Variants in LHX4 observed in about 807,000 individuals in gnomAD.
The protein encoded by LHX4 is LIM/homeobox protein Lhx4.
LHX4 carries 16 observed loss-of-function variants against 39.2 expected under a neutral mutation model. That is an observed-to-expected ratio of 0.41 (90% confidence interval 0.28 to 0.62). The LOEUF (loss-of-function observed/expected upper bound fraction) is 0.62, where lower values mean the gene tolerates loss of function less well. Among genes scored for constraint, LHX4 ranks in the 20% least tolerant of loss-of-function variants. LHX4 has a pLI of 0.33. For synonymous variants in LHX4, 206 were observed against 198.1 expected, an observed-to-expected ratio of 1.04 and a Z score of -0.33; for missense variants, 439 against 511.9, an observed-to-expected ratio of 0.86 and a Z score of 1.37.
intron 2 of LHX4, among the ~76,000 whole-genome samples, chr1:180,255,234 C>T (rs542228721): frequency 3.9e-5 from 6 of 152,342 alleles, no homozygotes; most frequent in Non-Finnish European, 7.3e-5. Context: ...TGGGGTTGGT[C>T]GTAGAGTCAG....
rs1648509346 is a variant in LHX4 at position 180,269,647 on chromosome 1, A to G, written c.452-1733A>G. ...GAAATTAAGTGATTCTCGAGAAATT[A>G]AAACATTTTTGGTGATTGCATTATT... On this transcript the variant is annotated intron_variant, in intron 3 of 5. Transcript: ENST00000263726. 2.6e-5 allele frequency: 4 copies of G among 152,348 alleles called. No individual in the cohort carries two copies. The South Asian group carries it at 8.3e-4, about 32-fold the overall frequency. 9.4% of individuals were successfully genotyped at this position (152,348 alleles called of 1,614,324 possible). A position where few individuals can be genotyped will look rare whatever the true frequency, so the allele number is the denominator to read the frequency against.
At chr1:180,259,161 G>A (rs1647994675) in intron 2 of LHX4, among the ~76,000 whole-genome samples, 2 of 152,178 alleles carry the variant, frequency 1.3e-5, no homozygotes, top group Middle Eastern at 3.4e-3. Context: ...AGGCCGGAGA[G>A]CACAGTGTAG....
At chr1:180,268,441 T>G (rs1159741912) in intron 3 of LHX4, among the ~76,000 whole-genome samples, 1 of 152,134 alleles carries the variant, frequency 6.6e-6, no homozygotes. Flanking sequence ...CGAGGAATAT[T>G]TGCACCACAG....
chr1:180,251,206 G>T (rs1353495672), intron 2 of LHX4, among the ~76,000 whole-genome samples: 1 of 152,194 alleles, frequency 6.6e-6, no homozygotes, highest in Admixed American at 6.5e-5. Flanking sequence ...GCCTCCTGCC[G>T]GCGCTCCCTT....
intron 3 of LHX4, chr1:180,270,879 CACCCCT>C: frequency 4.5e-5 from 9 of 199,654 alleles, no homozygotes; most frequent in South Asian, 1.5e-4. Flanking sequence ...TGTGCAAGCT[CACCCCT>C]GGCTGTGAGC....
intron 2 of LHX4, among the ~76,000 whole-genome samples, chr1:180,259,546 G>A (rs1467399727): frequency 6.6e-6 from 1 of 151,666 alleles, no homozygotes; most frequent in Non-Finnish European, 1.5e-5. Flanking sequence ...CCTCTTCCAT[G>A]GGAAATGGGA....
At chr1:180,263,505 C>A (rs560098397) in intron 2 of LHX4, among the ~76,000 whole-genome samples, 2 of 152,148 alleles carry the variant, frequency 1.3e-5, no homozygotes, top group Non-Finnish European at 2.9e-5. Flanking sequence ...GTGCTGCATG[C>A]GGCTCCCTCG....
intron 2 of LHX4, among the ~76,000 whole-genome samples, chr1:180,258,321 C>T (rs1168062766): frequency 6.6e-6 from 1 of 152,132 alleles, no homozygotes; most frequent in African/African-American, 2.4e-5. Flanking sequence ...GAAGCAGTGC[C>T]CGGGCCCCAG....
chr1:180,250,505 T>C (rs560768714), intron 2 of LHX4, among the ~76,000 whole-genome samples: 14 of 152,264 alleles, frequency 9.2e-5, no homozygotes, highest in African/African-American at 3.4e-4. Flanking sequence ...GCCTGCACCT[T>C]TGGAAAGCCA....
At position 180,230,336 on chromosome 1, in the gene LHX4, C is replaced by T. The variant is rs989594732; in HGVS notation, c.-194C>T. ...AGAGCGAGATCAAAGGGACTGGAAA[C>T]AGACTGGGGACTGGCGGGGGGAGGG... On this transcript the variant is annotated 5_prime_UTR_variant, in exon 1 of 6. The change creates a premature stop within an existing upstream ORF in the 5' untranslated region. Transcript: ENST00000263726. The surrounding 1 kb of genome is among the most constrained non-coding windows in gnomAD (Gnocchi z 5.8). 9.4e-6 allele frequency: 6 copies of T among 637,632 alleles called. No individual in the cohort carries two copies. The highest frequency in any genetic ancestry group is 1.7e-5 in the Non-Finnish European group (6 of 353,744). 39.5% of individuals were successfully genotyped at this position (637,632 alleles called of 1,614,324 possible). A position where few individuals can be genotyped will look rare whatever the true frequency, so the allele number is the denominator to read the frequency against.
intron 1 of LHX4, among the ~76,000 whole-genome samples, chr1:180,238,938 T>C (rs548276931): frequency 2.6e-5 from 4 of 152,346 alleles, no homozygotes; most frequent in Admixed American, 2.6e-4. Flanking sequence ...CTTCTTCCTT[T>C]GGTCACAATT....
chr1:180,268,218 G>A (rs1366093913), intron 3 of LHX4, among the ~76,000 whole-genome samples: 7 of 152,180 alleles, frequency 4.6e-5, no homozygotes, highest in Admixed American at 3.3e-4. Flanking sequence ...AGACACCTTT[G>A]GAAGTCTAGT....
chr1:180,263,524 CCCGCTGGCTGTG>C (rs1648192375), intron 2 of LHX4, among the ~76,000 whole-genome samples: 1 of 152,174 alleles, frequency 6.6e-6, no homozygotes, highest in Non-Finnish European at 1.5e-5. Flanking sequence ...CGGCAAGGGT[CCCGCTGGCTGTG>C]CTCCAGGGGA....
chr1:180,271,666 G>A, intron 4 of LHX4, 132 bp downstream of exon 4: 2 of 1,355,682 alleles, frequency 1.5e-6, no homozygotes, highest in Middle Eastern at 2.4e-4. Context: ...CAGAACTGAA[G>A]ACAGAGTTCT....
rs1648932912 is a variant in LHX4 at position 180,274,890 on chromosome 1, T to C, written c.*311T>C. ...GGGGCTTGGCTGCTCAGTGCTTTGG[T>C]AGCACAAGGTGACTGTGATAGGCCC... On this transcript the variant is annotated 3_prime_UTR_variant, in exon 6 of 6. Transcript: ENST00000263726. 1 of 271,082 alleles carries C rather than the reference T, an allele frequency of 3.7e-6. No individual in the cohort carries two copies. Among genetic ancestry groups the C allele is most frequent in the Admixed American group, 4.7e-5 (1 of 21,314 alleles). 16.8% of individuals were successfully genotyped at this position (271,082 alleles called of 1,614,324 possible). A position where few individuals can be genotyped will look rare whatever the true frequency, so the allele number is the denominator to read the frequency against.
Position 180,266,604 on chromosome 1 carries a change from A to G in LHX4, c.451+10A>G, listed in dbSNP as rs754584449. 6.2e-7 allele frequency: 1 copy of G among 1,612,872 alleles called. No individual in the cohort carries two copies. The highest frequency in any genetic ancestry group is 8.5e-7 in the Non-Finnish European group (1 of 1,179,194). On this transcript the variant is annotated intron_variant, in intron 3 of 5. Coordinates refer to ENST00000263726, the MANE Select transcript of LHX4 (RefSeq NM_033343.4). The surrounding 1 kb of genome is among the most constrained non-coding windows in gnomAD (Gnocchi z 5.7). ...ACAGCCAAGCAGAACGGTAAGCAGC[A>G]TGGCCCCGCATGGTCCCCTCTCCAG...
chr1:180,252,617 C>CTTCT (rs1647677701), intron 2 of LHX4, among the ~76,000 whole-genome samples: 1 of 152,178 alleles, frequency 6.6e-6, no homozygotes. Context: ...AGGAAGAGGG[C>CTTCT]CACTGCTTTG....
intron 2 of LHX4, among the ~76,000 whole-genome samples, chr1:180,264,079 C>G (rs1648214654): frequency 6.6e-6 from 1 of 152,200 alleles, no homozygotes; most frequent in African/African-American, 2.4e-5. Context: ...ATCCTCCCAT[C>G]TCAGCCTCCC....
At chr1:180,267,667 T>C (rs1648378826) in intron 3 of LHX4, among the ~76,000 whole-genome samples, 1 of 152,146 alleles carries the variant, frequency 6.6e-6, no homozygotes, top group Admixed American at 6.5e-5. Flanking sequence ...CAACTCAGGG[T>C]GTTACTGTGC....
Sources: allele counts gnomAD v4.1 joint callset (sites outside exome capture counted in the v4.1 genomes callset), GRCh38; gene constraint gnomAD v4.1.1; non-coding constraint Gnocchi (gnomAD v3.1); transcripts MANE v1.5; gene names NCBI Gene and HGNC (gene_info 2026-07-23, HGNC 2026-07-21).